The following SH3RF3 variants were observed in gnomAD, a reference collection of about 807,000 sequenced individuals.
SH3RF3 encodes E3 ubiquitin-protein ligase SH3RF3.
Under a neutral mutation model 66.3 loss-of-function variants are expected in SH3RF3, and 29 were observed. The ratio of observed to expected loss-of-function variants is 0.44; its 90% CI spans 0.33 to 0.60. The LOEUF (loss-of-function observed/expected upper bound fraction) is 0.60, where lower values mean the gene tolerates loss of function less well. Among genes scored for constraint, SH3RF3 ranks in the 20% least tolerant of loss-of-function variants. The pLI is 0.04. For missense variants in SH3RF3, 1,194 were observed against 1,190.9 expected, an observed-to-expected ratio of 1.00 and a Z score of -0.04; for synonymous variants, 583 against 532.0, an observed-to-expected ratio of 1.10 and a Z score of -1.32.
intron 1 of SH3RF3, among the ~76,000 whole-genome samples, chr2:109,249,551 C>CCTTCCTTT: frequency 7.8e-6 from 1 of 127,454 alleles, no homozygotes; most frequent in Non-Finnish European, 1.6e-5. Flanking sequence ...TTCCTTCCTT[C>CCTTCCTTT]CTTCCTTCCT....
chr2:109,251,223 G>C (rs1195302407), intron 1 of SH3RF3, among the ~76,000 whole-genome samples: 1 of 151,868 alleles, frequency 6.6e-6, no homozygotes, highest in African/African-American at 2.4e-5. Flanking sequence ...GGCTGGTCTC[G>C]AACTCCTTAC....
intron 6 of SH3RF3, 131 bp from the exon 7 acceptor site, chr2:109,436,762 G>A (rs1052131164): frequency 3.7e-5 from 51 of 1,387,488 alleles, no homozygotes; most frequent in Admixed American, 1.3e-4. Flanking sequence ...ATTGTTTTAG[G>A]ACCTCGTCCC....
intron 1 of SH3RF3, among the ~76,000 whole-genome samples, chr2:109,336,378 A>G (rs1440486897): frequency 6.6e-6 from 1 of 152,258 alleles, no homozygotes; most frequent in East Asian, 1.9e-4. Context: ...CAGATAGAAC[A>G]GAAAATAACT....
At chr2:109,238,955 G>C (rs1164697787) in intron 1 of SH3RF3, among the ~76,000 whole-genome samples, 1 of 152,210 alleles carries the variant, frequency 6.6e-6, no homozygotes, top group Non-Finnish European at 1.5e-5. Flanking sequence ...GGGCCCTTCA[G>C]TTGGCTTTTC....
intron 1 of SH3RF3, among the ~76,000 whole-genome samples, chr2:109,239,476 A>C (rs1558975293): frequency 6.6e-6 from 1 of 152,250 alleles, no homozygotes; most frequent in East Asian, 1.9e-4. Context: ...AAAGCTTTTT[A>C]GAACAAACGG....
At chr2:109,257,679 T>C (rs1435518590) in intron 1 of SH3RF3, among the ~76,000 whole-genome samples, 1 of 152,186 alleles carries the variant, frequency 6.6e-6, no homozygotes, top group Non-Finnish European at 1.5e-5. Context: ...GGGAAGCCAC[T>C]GACACGTTCA....
Position 109,334,377 on chromosome 2 carries a change from AT to A in SH3RF3, c.574-13296del, listed in dbSNP as rs1420783251. 1.2e-4 allele frequency among the ~76,000 whole-genome samples: 14 copies of A among 120,508 alleles called. No individual in the cohort carries two copies. The East Asian group carries it at 1.6e-3, about 14-fold the overall frequency. 79.1% of individuals were successfully genotyped at this position (120,508 alleles called of 152,430 possible). A position where few individuals can be genotyped will look rare whatever the true frequency, so the allele number is the denominator to read the frequency against. On this transcript the variant is annotated intron_variant, in intron 1 of 9. Coordinates refer to ENST00000309415, the MANE Select transcript of SH3RF3 (RefSeq NM_001099289.3). ...TTCCTTTAAAAAAAAAAAAAAAAAAATCTTAAAAAAAAATAAAGACCACCTC... is the reference window on the plus strand; with the variant it reads ...TTCCTTTAAAAAAAAAAAAAAAAAAACTTAAAAAAAAATAAAGACCACCTC...
chr2:109,181,482 A>C (rs1423096138), intron 1 of SH3RF3, among the ~76,000 whole-genome samples: 1 of 151,640 alleles, frequency 6.6e-6, no homozygotes, highest in East Asian at 1.9e-4. Context: ...CCACTGGTGT[A>C]ACACACACAC....
chr2:109,369,575 G>T (rs551680506), intron 2 of SH3RF3, among the ~76,000 whole-genome samples: 2 of 152,146 alleles, frequency 1.3e-5, no homozygotes, highest in South Asian at 2.1e-4. Context: ...GAAGCTGGGG[G>T]TTGGGGGAGA....
intron 1 of SH3RF3, among the ~76,000 whole-genome samples, chr2:109,162,025 C>T (rs1023427760): frequency 1.3e-5 from 2 of 152,142 alleles, no homozygotes; most frequent in African/African-American, 4.8e-5. Context: ...CTCCAGCCCC[C>T]TCCTTGGGAT....
intron 9 of SH3RF3, among the ~76,000 whole-genome samples, chr2:109,494,173 A>C (rs36152807): frequency 0.26 from 38,790 of 152,084 alleles, 5,300 homozygotes; most frequent in East Asian, 0.5. Flanking sequence ...AATAAAAAGT[A>C]TTGAAAGACC....
At chr2:109,464,961 T>A (rs1374704621) in intron 8 of SH3RF3, among the ~76,000 whole-genome samples, 3 of 152,238 alleles carry the variant, frequency 2.0e-5, no homozygotes, top group Non-Finnish European at 4.4e-5. Context: ...TCCTCTGTGC[T>A]CTGCCTGTTG....
intron 1 of SH3RF3, among the ~76,000 whole-genome samples, chr2:109,159,647 C>A (rs1677438115): frequency 1.3e-5 from 2 of 152,206 alleles, no homozygotes; most frequent in Admixed American, 1.3e-4. Context: ...GGTTGCACAG[C>A]AGGAGGTGAG....
intron 4 of SH3RF3, among the ~76,000 whole-genome samples, chr2:109,415,076 C>T (rs1356010421): frequency 6.6e-6 from 1 of 152,188 alleles, no homozygotes; most frequent in Non-Finnish European, 1.5e-5. Flanking sequence ...GAGAGGAAGA[C>T]GTGGCACTGC....
chr2:109,297,188 G>C (rs576880639), intron 1 of SH3RF3, among the ~76,000 whole-genome samples: 18 of 152,028 alleles, frequency 1.2e-4, no homozygotes, highest in East Asian at 1.9e-4. Context: ...TCTGCAGGGG[G>C]GTGAGTTCCC....
chr2:109,369,374 G>A (rs1167675641), intron 2 of SH3RF3, among the ~76,000 whole-genome samples: 6 of 152,106 alleles, frequency 3.9e-5, no homozygotes, highest in African/African-American at 1.2e-4. Context: ...AGAAAGAAAA[G>A]CCCCACACAC....
intron 1 of SH3RF3, among the ~76,000 whole-genome samples, chr2:109,225,843 G>A (rs1442486538): frequency 6.6e-6 from 1 of 152,222 alleles, no homozygotes; most frequent in Admixed American, 6.5e-5. Flanking sequence ...CCGGCTCACT[G>A]TAGCCTTGAC....
intron 1 of SH3RF3, among the ~76,000 whole-genome samples, chr2:109,269,965 C>A (rs1188472899): frequency 6.6e-6 from 1 of 152,200 alleles, no homozygotes; most frequent in Non-Finnish European, 1.5e-5. Flanking sequence ...GAATTCCTAG[C>A]TGTACAGAAA....
chr2:109,326,255 A>G (rs1682152796), intron 1 of SH3RF3, among the ~76,000 whole-genome samples: 1 of 152,188 alleles, frequency 6.6e-6, no homozygotes, highest in African/African-American at 2.4e-5. Flanking sequence ...ATGTACATAG[A>G]TGTCGCTCAT....
Sources: gnomAD v4.1 joint callset for allele counts (sites outside exome capture counted in the v4.1 genomes callset) on GRCh38, gnomAD v4.1.1 for gene constraint, MANE v1.5 for transcripts, NCBI Gene and HGNC (gene_info 2026-07-23, HGNC 2026-07-21) for gene names.